CTNNA3: variants seen among roughly 807,000 people sequenced by gnomAD.
CTNNA3 encodes the protein catenin alpha 3, also known as catenin alpha-3.
CTNNA3 carries 76 observed loss-of-function variants against 95.7 expected under a neutral mutation model. The observed-to-expected ratio is 0.79, with a 90% confidence interval of 0.66 to 0.96. The LOEUF (loss-of-function observed/expected upper bound fraction) is 0.96. Ranked by LOEUF, CTNNA3 falls within the 40% of genes least tolerant of loss-of-function variation. CTNNA3 has a pLI of 0.00. For synonymous variants in CTNNA3, 431 were observed against 374.4 expected (o/e 1.15, Z -1.74); for missense variants, 1,191 against 1,089.8 (o/e 1.09, Z -1.31).
At chr10:67,296,631 T>C (rs185153149) in intron 5 of CTNNA3, among the ~76,000 whole-genome samples, 6 of 152,244 alleles carry the variant, frequency 3.9e-5, no homozygotes, top group Admixed American at 2.0e-4. Flanking sequence ...CCAATGATGC[T>C]GTATCAAGGG....
chr10:67,176,768 A>G (rs1862260577), intron 7 of CTNNA3: 6 of 370,794 alleles, frequency 1.6e-5, no homozygotes, highest in Admixed American at 1.5e-4. Flanking sequence ...GGTCAGAGAA[A>G]GAGATGTGAG....
intron 13 of CTNNA3, among the ~76,000 whole-genome samples, chr10:66,267,912 A>G (rs2091192922): frequency 6.6e-6 from 1 of 152,182 alleles, no homozygotes; most frequent in Non-Finnish European, 1.5e-5. Context: ...TCTATTCACT[A>G]AAATATTTGA....
chr10:66,728,916 T>G (rs1374594637), intron 9 of CTNNA3, among the ~76,000 whole-genome samples: 2 of 152,186 alleles, frequency 1.3e-5, no homozygotes, highest in African/African-American at 4.8e-5. Context: ...GATCTTGAGT[T>G]AATTTTTGTA....
intron 5 of CTNNA3, among the ~76,000 whole-genome samples, chr10:67,231,947 G>C (rs977140994): frequency 6.6e-5 from 10 of 152,080 alleles, no homozygotes; most frequent in Admixed American, 3.9e-4. Flanking sequence ...GAAGTGAGAA[G>C]GGAAGTTTAG....
intron 1 of CTNNA3, among the ~76,000 whole-genome samples, chr10:67,730,316 G>A (rs1018718171): frequency 2.0e-5 from 3 of 148,958 alleles, no homozygotes; most frequent in Admixed American, 6.7e-5. Flanking sequence ...ACCTTTCCTT[G>A]GGCATTTTTT....
chr10:67,529,004 A>G (rs917514881), intron 4 of CTNNA3, among the ~76,000 whole-genome samples: 1 of 152,200 alleles, frequency 6.6e-6, no homozygotes, highest in African/African-American at 2.4e-5. Flanking sequence ...GAAAATTGCT[A>G]GAGTAAATTT....
chr10:67,455,044 G>T (rs1436960932), intron 5 of CTNNA3, among the ~76,000 whole-genome samples: 5 of 152,150 alleles, frequency 3.3e-5, no homozygotes, highest in African/African-American at 1.2e-4. Flanking sequence ...ATTTAAGAAA[G>T]AATTTCTTCA....
chr10:66,021,867 T>TTTTTTTTTTTTTTTTTTTTTTTTTTTG, intron 15 of CTNNA3, among the ~76,000 whole-genome samples: 1 of 145,516 alleles, frequency 6.9e-6, no homozygotes, highest in Non-Finnish European at 1.5e-5. Context: ...TTTTTTTTTT[T>TTTTTTTTTTTTTTTTTTTTTTTTTTTG]TAGATAGATA....
At chr10:67,231,944 G>A (rs1286170239) in intron 5 of CTNNA3, among the ~76,000 whole-genome samples, 1 of 152,210 alleles carries the variant, frequency 6.6e-6, no homozygotes, top group African/African-American at 2.4e-5. Flanking sequence ...AATGAAGTGA[G>A]AAGGGAAGTT....
intron 1 of CTNNA3, among the ~76,000 whole-genome samples, chr10:67,742,838 G>C (rs1314248270): frequency 2.0e-5 from 3 of 151,194 alleles, no homozygotes; most frequent in African/African-American, 7.3e-5. Context: ...CGATCCCACA[G>C]AAATACAAAC....
chr10:65,974,343 G>A (rs765249740), intron 16 of CTNNA3, among the ~76,000 whole-genome samples: 4 of 152,066 alleles, frequency 2.6e-5, no homozygotes, highest in South Asian at 2.1e-4. Flanking sequence ...ATCAACCTAG[G>A]TATCCACCAA....
At chr10:67,267,187 A>G (rs1250013295) in intron 5 of CTNNA3, among the ~76,000 whole-genome samples, 1 of 152,208 alleles carries the variant, frequency 6.6e-6, no homozygotes, top group Non-Finnish European at 1.5e-5. Context: ...GAAAAGAAAT[A>G]TAAGAACAAA....
At chr10:67,420,200 CTG>C (rs1845699264) in intron 5 of CTNNA3, among the ~76,000 whole-genome samples, 1 of 152,154 alleles carries the variant, frequency 6.6e-6, no homozygotes, top group African/African-American at 2.4e-5. Context: ...TTAAATCTAT[CTG>C]TGTAGTTTTT....
chr10:67,704,967 C>A (rs185756712), intron 1 of CTNNA3, among the ~76,000 whole-genome samples: 5 of 151,922 alleles, frequency 3.3e-5, no homozygotes, highest in African/African-American at 1.2e-4. Flanking sequence ...AGTGGGCGAA[C>A]GACATGAACA....
chr10:66,084,085 A>G (rs2080874816), intron 14 of CTNNA3, among the ~76,000 whole-genome samples: 2 of 150,508 alleles, frequency 1.3e-5, no homozygotes, highest in South Asian at 4.3e-4. Flanking sequence ...CGGTGAGCCA[A>G]GATTGGGCCA....
intron 5 of CTNNA3, among the ~76,000 whole-genome samples, chr10:67,443,627 A>C (rs990198926): frequency 4.5e-4 from 69 of 152,186 alleles, no homozygotes; most frequent in Middle Eastern, 3.4e-3. Context: ...TCCTTTGCCC[A>C]CTTTTTGATG....
intron 7 of CTNNA3, among the ~76,000 whole-genome samples, chr10:67,020,576 T>C (rs142770228): frequency 6.6e-6 from 1 of 152,332 alleles, no homozygotes; most frequent in East Asian, 1.9e-4. Flanking sequence ...AATTTTGTTA[T>C]GTCTTATCCA....
chr10:66,031,170 T>G (rs182143183), intron 15 of CTNNA3, among the ~76,000 whole-genome samples: 1 of 152,190 alleles, frequency 6.6e-6, no homozygotes, highest in Non-Finnish European at 1.5e-5. Flanking sequence ...GAACTAAAAA[T>G]AGAACTATAA....
chr10:66,986,898 A>C (rs552719831), intron 7 of CTNNA3, among the ~76,000 whole-genome samples: 11 of 152,278 alleles, frequency 7.2e-5, no homozygotes, highest in Non-Finnish European at 1.2e-4. Flanking sequence ...AAGTGCACCA[A>C]ATAGCCAAAA....
Sources: allele counts gnomAD v4.1 joint callset (sites outside exome capture counted in the v4.1 genomes callset), GRCh38; gene constraint gnomAD v4.1.1; transcripts MANE v1.5; gene names NCBI Gene and HGNC (gene_info 2026-07-23, HGNC 2026-07-21).